The following SAMD5 variants were observed in gnomAD, a reference collection of about 807,000 sequenced individuals.
The protein encoded by SAMD5 is sterile alpha motif domain-containing protein 5.
A neutral mutation model predicts 11.3 loss-of-function variants in SAMD5; 13 were observed. The ratio of observed to expected loss-of-function variants is 1.15; its 90% confidence interval spans 0.75 to 1.83. SAMD5 has a LOEUF of 1.83. SAMD5 is among the 40% of genes most tolerant of loss of function. SAMD5 has a pLI of 0.00. For synonymous variants in SAMD5, 129 were observed against 111.3 expected (o/e 1.16, Z -1.00); for missense variants, 255 against 239.1 (o/e 1.07, Z -0.44).
At chr6:147,753,433 A>C in the SAMD5 span, among the ~76,000 whole-genome samples, 1 of 152,340 alleles carries the variant, frequency 6.6e-6, no homozygotes, top group East Asian at 1.9e-4. Context: ...TTGTGGGTAC[A>C]TAGTAGGTGT....
At chr6:147,599,487 G>A (rs1016053477) in intron 1 of SAMD5, among the ~76,000 whole-genome samples, 1 of 152,026 alleles carries the variant, frequency 6.6e-6, no homozygotes, top group African/African-American at 2.4e-5. Context: ...AGAAATGGAG[G>A]GAAAATATAT....
chr6:147,563,893 G>A (rs1346045128), intron 1 of SAMD5, among the ~76,000 whole-genome samples: 1 of 152,164 alleles, frequency 6.6e-6, no homozygotes, highest in African/African-American at 2.4e-5. Flanking sequence ...AAATATGACT[G>A]TGAATCATTT....
intron 1 of SAMD5, among the ~76,000 whole-genome samples, chr6:147,524,421 T>C (rs886625112): frequency 4.9e-5 from 7 of 143,180 alleles, no homozygotes; most frequent in Admixed American, 2.9e-4. Flanking sequence ...TTGTTTTTGT[T>C]GTTTTTTTTT....
the SAMD5 span, among the ~76,000 whole-genome samples, chr6:147,759,023 T>C: frequency 6.6e-6 from 1 of 152,114 alleles, no homozygotes; most frequent in Non-Finnish European, 1.5e-5. Context: ...AAGAGAGGAA[T>C]GGGGTAGGAG....
intron 1 of SAMD5, among the ~76,000 whole-genome samples, chr6:147,563,771 T>C (rs1043953298): frequency 2.0e-4 from 31 of 152,174 alleles, no homozygotes; most frequent in African/African-American, 7.2e-4. Flanking sequence ...TTCGACTAGG[T>C]TGCTGCTTTG....
the SAMD5 span, among the ~76,000 whole-genome samples, chr6:147,799,830 T>G: frequency 6.6e-6 from 1 of 152,220 alleles, no homozygotes; most frequent in Non-Finnish European, 1.5e-5. Context: ...CATCTTCCAC[T>G]GCTGATACCC....
chr6:147,508,789 G>A lies in SAMD5; in HGVS notation c.-140G>A. On this transcript the variant is annotated 5_prime_UTR_variant, in exon 1 of 2. Transcript: ENST00000367474. ...TCTGATGGTTTTCCGTCTCCTGCCC[G>A]AGCCTTTCCTTTAAAAGGAAAACTT... The A allele has an allele frequency of 7.6e-7, 1 of 1,315,720 alleles. No individual in the cohort carries two copies. Among genetic ancestry groups the A allele is most frequent in the Non-Finnish European group, 1.0e-6 (1 of 997,544 alleles). The allele number at this position is 1,315,720 out of a possible 1,614,324, so 81.5% of individuals were successfully genotyped here. A position where few individuals can be genotyped will look rare whatever the true frequency, so the allele number is the denominator to read the frequency against.
At chr6:147,729,731 G>C in intron 1 of SAMD5, 1 of 456,074 alleles carries the variant, frequency 2.2e-6, no homozygotes, top group South Asian at 1.6e-5. Context: ...GTGGAAAGCT[G>C]GGAGAACATT....
At chr6:147,780,675 A>G in the SAMD5 span, among the ~76,000 whole-genome samples, 1 of 152,230 alleles carries the variant, frequency 6.6e-6, no homozygotes, top group East Asian at 1.9e-4. Flanking sequence ...ACGTTCAGAT[A>G]GGTTTAATTA....
the SAMD5 span, among the ~76,000 whole-genome samples, chr6:147,836,812 C>T: frequency 1.3e-5 from 2 of 152,192 alleles, no homozygotes; most frequent in East Asian, 1.9e-4. Flanking sequence ...TGTCTCTAGC[C>T]CAATTTCAGG....
the SAMD5 span, among the ~76,000 whole-genome samples, chr6:147,824,669 T>A: frequency 6.6e-6 from 1 of 152,176 alleles, no homozygotes; most frequent in Admixed American, 6.5e-5. Context: ...GATAAAGTGT[T>A]TCTGAATTTT....
the SAMD5 span, among the ~76,000 whole-genome samples, chr6:147,831,092 ATAAAGT>A: frequency 6.6e-6 from 1 of 152,244 alleles, no homozygotes; most frequent in Admixed American, 6.5e-5. Flanking sequence ...TGGTGTGAAG[ATAAAGT>A]TAAAAATATC....
the SAMD5 span, among the ~76,000 whole-genome samples, chr6:147,749,172 G>GTTTT: frequency 1.5e-5 from 2 of 137,312 alleles, no homozygotes; most frequent in Non-Finnish European, 1.6e-5. Context: ...TTTTTGTTTT[G>GTTTT]TTTTTTTTTT....
chr6:147,772,970 G>A, the SAMD5 span, among the ~76,000 whole-genome samples: 9 of 152,220 alleles, frequency 5.9e-5, no homozygotes, highest in East Asian at 1.7e-3. Flanking sequence ...TCCACTGAGG[G>A]TGGAACGACA....
At chr6:147,546,650 C>T (rs986894243) in intron 1 of SAMD5, among the ~76,000 whole-genome samples, 3 of 152,048 alleles carry the variant, frequency 2.0e-5, no homozygotes, top group African/African-American at 7.2e-5. Flanking sequence ...GGAACTAAAG[C>T]CTTTTTTGTG....
In SAMD5 at chr6:147,565,033, A is replaced by C. The variant is rs970846162; in HGVS notation, c.*577A>C. 9.4e-6 allele frequency: 9 copies of C among 953,364 alleles called. No homozygotes were observed. In the South Asian group the frequency reaches 1.5e-4, roughly 15 times the overall value. The allele number at this position is 953,364 out of a possible 1,614,324, so 59.1% of individuals were successfully genotyped here. ...AGGTGCTTTTATATAGTTATTTTGTATATTGGTACAATGTTAAAGGTGATG... is the reference window on the plus strand; with the variant it reads ...AGGTGCTTTTATATAGTTATTTTGTCTATTGGTACAATGTTAAAGGTGATG... On this transcript the variant is annotated 3_prime_UTR_variant, in exon 2 of 2. Transcript: ENST00000367474.
chr6:147,920,066 T>A, the SAMD5 span, among the ~76,000 whole-genome samples: 1 of 152,360 alleles, frequency 6.6e-6, no homozygotes, highest in African/African-American at 2.4e-5. Flanking sequence ...ATGGTTACCA[T>A]TGAGCATCAA....
the SAMD5 span, among the ~76,000 whole-genome samples, chr6:147,877,804 A>G: frequency 6.7e-6 from 1 of 149,202 alleles, no homozygotes; most frequent in African/African-American, 2.5e-5. Context: ...CAATCACTGA[A>G]CCAGTTCCTT....
At chr6:147,706,408 A>G (rs1791325613) in intron 1 of SAMD5, among the ~76,000 whole-genome samples, 1 of 152,040 alleles carries the variant, frequency 6.6e-6, no homozygotes, top group Admixed American at 6.6e-5. Flanking sequence ...GTAGTTTTTT[A>G]GTAAAGATGG....
Sources: gnomAD v4.1 joint callset for allele counts (sites outside exome capture counted in the v4.1 genomes callset) on GRCh38, gnomAD v4.1.1 for gene constraint, MANE v1.5 for transcripts, NCBI Gene and HGNC (gene_info 2026-07-23, HGNC 2026-07-21) for gene names.